RBM33: variants seen among roughly 807,000 people sequenced by gnomAD.
RBM33 encodes the protein RNA-binding protein 33.
A neutral mutation model predicts 132.6 loss-of-function variants in RBM33; 28 were observed. The ratio of observed to expected loss-of-function variants is 0.21; its 90% CI spans 0.16 to 0.29. RBM33 has a LOEUF of 0.29. Among genes scored for constraint, RBM33 ranks in the 10% least tolerant of loss-of-function variants. The pLI, the probability that RBM33 is intolerant of heterozygous loss-of-function variation, is 1.00. For synonymous variants in RBM33, 634 were observed against 593.0 expected (o/e 1.07, Z -1.01); for missense variants, 1,291 against 1,518.5 (o/e 0.85, Z 2.49).
Position 155,699,442 on chromosome 7 carries a change from C to CT in RBM33, c.568-1328dup, listed in dbSNP as rs201521295. On this transcript the variant is annotated intron_variant, in intron 5 of 17. Transcript: ENST00000401878. ...AGAATAGACGTCCTAAGGAAGCTGG[C>CT]TTTGGTTCTGTTGGGAAGTGTGGTG... Among the ~76,000 whole-genome samples, 40 of 152,262 alleles carry CT rather than the reference C, an allele frequency of 2.6e-4. No homozygotes were observed. In the East Asian group the frequency reaches 4.1e-3, roughly 15 times the overall value.
At chr7:155,738,553 A>G (rs1394848197) in intron 11 of RBM33, 150 bp downstream of exon 11, 7 of 754,416 alleles carry the variant, frequency 9.3e-6, no homozygotes, top group Non-Finnish European at 1.4e-5. Flanking sequence ...TGTTAAAGAC[A>G]ACTTTTTTCA....
At chr7:155,761,700 CA>C (rs759947316) in intron 14 of RBM33, among the ~76,000 whole-genome samples, 4 of 152,108 alleles carry the variant, frequency 2.6e-5, no homozygotes, top group Non-Finnish European at 4.4e-5. Context: ...AAAGGAGCAT[CA>C]ATTTTTTGCT....
chr7:155,700,115 T>C (rs942167447), intron 5 of RBM33, among the ~76,000 whole-genome samples: 1 of 152,150 alleles, frequency 6.6e-6, no homozygotes, highest in East Asian at 1.9e-4. Flanking sequence ...AATACTGATA[T>C]AATAAAATTT....
intron 1 of RBM33, among the ~76,000 whole-genome samples, chr7:155,657,895 A>G (rs552864749): frequency 6.6e-6 from 1 of 152,340 alleles, no homozygotes; most frequent in South Asian, 2.1e-4. Flanking sequence ...CCTAACGTGT[A>G]TCAGGGACAG....
Position 155,707,066 on chromosome 7 carries a change from G to C in RBM33, c.946G>C (p.Val316Leu). ...PALLPTQPPV[V>L]PQAPPPPPPP... ...GCTGCTTCCTACACAGCCTCCTGTC[G>C]TGGTAACTTCAGATTTTCTTGTAGT... The change falls in exon 7 of 18, where the codon GTG becomes CTG. Residue 316 changes from valine (V) to leucine (L), a missense_variant and splice_region_variant. By Grantham distance (32) the Val-to-Leu change is conservative. Coordinates refer to ENST00000401878, the MANE Select transcript of RBM33 (RefSeq NM_053043.3). 6.5e-7 allele frequency: 1 copy of C among 1,539,120 alleles called. No homozygotes were observed. Among genetic ancestry groups the C allele is most frequent in the Non-Finnish European group, 8.8e-7 (1 of 1,141,922 alleles).
intron 5 of RBM33, among the ~76,000 whole-genome samples, chr7:155,698,246 G>T: frequency 6.6e-6 from 1 of 152,134 alleles, no homozygotes; most frequent in Non-Finnish European, 1.5e-5. Flanking sequence ...GGACGCCTGT[G>T]ATCTCAGCTA....
rs1802626396 is a variant in RBM33 at position 155,776,765 on chromosome 7, C to T, written c.*1724C>T. 6.6e-6 allele frequency: 1 copy of T among 152,292 alleles called. No individual in the cohort carries two copies. 9.4% of individuals were successfully genotyped at this position (152,292 alleles called of 1,614,324 possible). On this transcript the variant is annotated 3_prime_UTR_variant, in exon 18 of 18. Coordinates refer to ENST00000401878, the MANE Select transcript of RBM33 (RefSeq NM_053043.3). The surrounding 1 kb of genome is among the most constrained non-coding windows in gnomAD (Gnocchi z 4.0). The stretch of plus-strand genomic sequence containing the variant: ...GGATTGCCAGTCAGCCCTGCCTCAC[C>T]ATGCCTGCAGGAGGCTGTCCAGGGA...
Position 155,774,174 on chromosome 7 carries a change from A to G in RBM33, c.3376-385A>G, listed in dbSNP as rs1280110357. On this transcript the variant is annotated intron_variant, in intron 16 of 17. Transcript: ENST00000401878. The surrounding 1 kb of genome is among the most constrained non-coding windows in gnomAD (Gnocchi z 4.2). Reference sequence around the variant, plus strand: ...CTCTGGTGTGATGAGTCCTGTTCTTAAAAAATTCATGGGGGTCCCTATTAA... The same window carrying G: ...CTCTGGTGTGATGAGTCCTGTTCTTGAAAAATTCATGGGGGTCCCTATTAA... Among the ~76,000 whole-genome samples the G allele has an allele frequency of 6.6e-6, 1 of 152,184 alleles. No individual in the cohort carries two copies. Among genetic ancestry groups the G allele is most frequent in the Non-Finnish European group, 1.5e-5 (1 of 68,024 alleles).
At chr7:155,654,381 C>A (rs987796954) in intron 1 of RBM33, among the ~76,000 whole-genome samples, 2 of 151,658 alleles carry the variant, frequency 1.3e-5, no homozygotes, top group Non-Finnish European at 2.9e-5. Flanking sequence ...TATGTTTTAT[C>A]GATTAATTAG....
At chr7:155,698,725 G>A (rs1367194796) in intron 5 of RBM33, among the ~76,000 whole-genome samples, 1 of 152,196 alleles carries the variant, frequency 6.6e-6, no homozygotes, top group African/African-American at 2.4e-5. Flanking sequence ...GGTTACCAGT[G>A]TAATTTTGTT....
intron 8 of RBM33, among the ~76,000 whole-genome samples, chr7:155,712,170 T>G (rs1390465199): frequency 1.3e-5 from 2 of 152,232 alleles, no homozygotes; most frequent in Admixed American, 6.5e-5. Flanking sequence ...GTGTCCCTCT[T>G]TGGTTCCAGG....
intron 7 of RBM33, 125 bp downstream of exon 7, chr7:155,707,193 T>C (rs1307615969): frequency 1.2e-6 from 1 of 868,712 alleles, no homozygotes; most frequent in Non-Finnish European, 1.9e-6. Flanking sequence ...GCAGGGGTAA[T>C]GGCTGAAGTT....
chr7:155,659,943 T>C (rs1204087389), intron 1 of RBM33, among the ~76,000 whole-genome samples: 1 of 152,204 alleles, frequency 6.6e-6, no homozygotes, highest in African/African-American at 2.4e-5. Flanking sequence ...TCACATGACC[T>C]TTCTCCTCTG....
intron 2 of RBM33, 97 bp downstream of exon 2, chr7:155,665,350 C>A: frequency 9.8e-7 from 1 of 1,023,994 alleles, no homozygotes; most frequent in Non-Finnish European, 1.5e-6. Context: ...AGCACCTTGA[C>A]TACCTGGCGC....
chr7:155,701,933 G>A (rs1236401010), intron 6 of RBM33, among the ~76,000 whole-genome samples: 9 of 152,074 alleles, frequency 5.9e-5, no homozygotes, highest in African/African-American at 1.9e-4. Context: ...TGATCCACCC[G>A]GCTCAGCCTC....
Position 155,763,915 on chromosome 7 carries a change from G to A in RBM33, c.3083G>A (p.Arg1028Lys), listed in dbSNP as rs1196677944. The change falls in exon 15 of 18, where the codon AGG becomes AAG. Residue 1028 changes from arginine to lysine, a missense_variant. Physicochemically the swap from Arg to Lys is conservative, Grantham distance 26 (BLOSUM62 2). Coordinates refer to ENST00000401878, the MANE Select transcript of RBM33 (RefSeq NM_053043.3). ...PQPARKVTLT[R>K]GGLQQPPHLP... Reference sequence around the variant, plus strand: ...CCTGCCCGCAAGGTGACGCTGACCAGGGGGGGCCTCCAGCAGCCCCCACAT... The same window carrying A: ...CCTGCCCGCAAGGTGACGCTGACCAAGGGGGGCCTCCAGCAGCCCCCACAT... 6.2e-7 allele frequency: 1 copy of A among 1,606,476 alleles called. No homozygotes were observed. Among genetic ancestry groups the A allele is most frequent in the South Asian group, 1.1e-5 (1 of 89,752 alleles).
chr7:155,717,159 C>T (rs1193351578), intron 8 of RBM33, among the ~76,000 whole-genome samples: 1 of 152,174 alleles, frequency 6.6e-6, no homozygotes, highest in African/African-American at 2.4e-5. Context: ...GTCAATTCCA[C>T]CTGATGTGTA....
At chr7:155,705,001 C>T (rs1800073425) in intron 6 of RBM33, among the ~76,000 whole-genome samples, 1 of 151,784 alleles carries the variant, frequency 6.6e-6, no homozygotes, top group South Asian at 2.1e-4. Flanking sequence ...TTTTATTTTG[C>T]CAAACAAATT....
chr7:155,700,546 C>CTTTTTTTTTTTTTTTTTTTT (rs529323301), intron 5 of RBM33, among the ~76,000 whole-genome samples: 2 of 85,582 alleles, frequency 2.3e-5, no homozygotes, highest in Non-Finnish European at 4.5e-5. Flanking sequence ...AGAATTTGAC[C>CTTTTTTTTTTTTTTTTTTTT]TTTTTTTTTT....
Sources: allele counts gnomAD v4.1 joint callset (sites outside exome capture counted in the v4.1 genomes callset), GRCh38; gene constraint gnomAD v4.1.1; non-coding constraint Gnocchi (gnomAD v3.1); transcripts MANE v1.5; gene names NCBI Gene and HGNC (gene_info 2026-07-23, HGNC 2026-07-21).